KLRG1: variants seen among roughly 807,000 people sequenced by gnomAD.
KLRG1 encodes the protein killer cell lectin like receptor G1.
In KLRG1, 16 loss-of-function variants were observed where a neutral mutation model predicts 21.8. The observed-to-expected ratio is 0.73, with a 90% CI of 0.50 to 1.11. The LOEUF is 1.11. Ranked by LOEUF, KLRG1 falls within the 50% of genes most tolerant of loss-of-function variation. The pLI is 0.00. For missense variants in KLRG1, 173 were observed against 218.3 expected (o/e 0.79, Z 1.31); for synonymous variants, 69 against 75.9 (o/e 0.91, Z 0.47).
the KLRG1 span, among the ~76,000 whole-genome samples, chr12:9,075,734 T>A: frequency 6.6e-6 from 1 of 152,204 alleles, no homozygotes; most frequent in Non-Finnish European, 1.5e-5. Context: ...TAGGGATACA[T>A]ATGCAGCAAA....
chr12:8,969,822 G>A (rs769063249), intron 1 of KLRG1, among the ~76,000 whole-genome samples: 10 of 152,214 alleles, frequency 6.6e-5, no homozygotes, highest in African/African-American at 1.7e-4. Context: ...GCCATGAAAA[G>A]CATACTAAGG....
chr12:8,955,943 TCCAGGCTG>T (rs2137199637), intron 1 of KLRG1, among the ~76,000 whole-genome samples: 1 of 152,194 alleles, frequency 6.6e-6, no homozygotes, highest in East Asian at 1.9e-4. Flanking sequence ...TGGTGCTTTT[TCCAGGCTG>T]CCTATGGACC....
At chr12:9,024,018 A>ATTTTTTT in the KLRG1 span, among the ~76,000 whole-genome samples, 10 of 70,944 alleles carry the variant, frequency 1.4e-4, 2 homozygotes, top group African/African-American at 3.5e-4. Context: ...GAACACATGG[A>ATTTTTTT]TTTTTTTTTT....
At chr12:9,179,388 T>C in the KLRG1 span, among the ~76,000 whole-genome samples, 1 of 152,210 alleles carries the variant, frequency 6.6e-6, no homozygotes, top group African/African-American at 2.4e-5. Flanking sequence ...CAGCATGTAG[T>C]AAGCTTGAAA....
chr12:9,075,728 G>GAT, the KLRG1 span, among the ~76,000 whole-genome samples: 1 of 152,158 alleles, frequency 6.6e-6, no homozygotes, highest in African/African-American at 2.4e-5. Flanking sequence ...ATTAGTTAGG[G>GAT]ATACATATGC....
At chr12:8,993,881 T>C (rs1947052778) in intron 2 of KLRG1, among the ~76,000 whole-genome samples, 2 of 152,286 alleles carry the variant, frequency 1.3e-5, no homozygotes, top group South Asian at 4.2e-4. Flanking sequence ...TATACTCTAT[T>C]CTGCAATTAT....
At chr12:9,179,032 C>T in the KLRG1 span, among the ~76,000 whole-genome samples, 2 of 152,148 alleles carry the variant, frequency 1.3e-5, no homozygotes, top group Non-Finnish European at 1.5e-5. Flanking sequence ...TTGATTGACC[C>T]TTTTAAATGG....
chr12:9,026,911 C>T, the KLRG1 span, among the ~76,000 whole-genome samples: 7 of 151,778 alleles, frequency 4.6e-5, no homozygotes, highest in South Asian at 1.5e-3. Context: ...GCTGGAGTAC[C>T]GTGGTGTAAT....
chr12:9,049,089 A>G, the KLRG1 span, among the ~76,000 whole-genome samples: 7 of 152,234 alleles, frequency 4.6e-5, no homozygotes, highest in African/African-American at 7.2e-5. Context: ...TGATTCTTTT[A>G]GTCTGGACAG....
chr12:9,143,509 G>A, the KLRG1 span, among the ~76,000 whole-genome samples: 3 of 152,218 alleles, frequency 2.0e-5, no homozygotes, highest in Non-Finnish European at 4.4e-5. Flanking sequence ...TTCAGAGGAA[G>A]GAGAAACCTG....
chr12:9,117,880 T>C, the KLRG1 span, among the ~76,000 whole-genome samples: 3 of 152,230 alleles, frequency 2.0e-5, no homozygotes, highest in African/African-American at 4.8e-5. Flanking sequence ...GTTAATGATA[T>C]CTTAAAGACT....
intron 1 of KLRG1, among the ~76,000 whole-genome samples, chr12:8,963,871 C>T (rs1438314432): frequency 1.3e-5 from 2 of 152,124 alleles, no homozygotes; most frequent in South Asian, 2.1e-4. Context: ...TCTGTGGGGT[C>T]AGTGGTGATA....
At chr12:9,174,570 TCAGTCCAAAA>T in the KLRG1 span, among the ~76,000 whole-genome samples, 1 of 152,180 alleles carries the variant, frequency 6.6e-6, no homozygotes, top group Non-Finnish European at 1.5e-5. Context: ...CCCCATTATC[TCAGTCCAAAA>T]GATTCTTAAG....
chr12:9,104,020 C>T, the KLRG1 span, among the ~76,000 whole-genome samples: 1 of 152,218 alleles, frequency 6.6e-6, no homozygotes, highest in African/African-American at 2.4e-5. Context: ...CGCCATTTTA[C>T]GTTCCCAGCA....
the KLRG1 span, among the ~76,000 whole-genome samples, chr12:9,038,078 G>T: frequency 6.6e-6 from 1 of 152,214 alleles, no homozygotes; most frequent in African/African-American, 2.4e-5. Flanking sequence ...GGGCAGCACA[G>T]TGGGAACCCC....
chr12:9,126,861 C>T, the KLRG1 span, among the ~76,000 whole-genome samples: 4 of 152,092 alleles, frequency 2.6e-5, no homozygotes, highest in African/African-American at 4.8e-5. Flanking sequence ...TATATCATCA[C>T]GAGACAATGC....
intron 1 of KLRG1, among the ~76,000 whole-genome samples, chr12:8,967,093 C>A (rs1330458569): frequency 6.8e-6 from 1 of 147,802 alleles, no homozygotes; most frequent in African/African-American, 2.5e-5. Flanking sequence ...GGACAAAAAA[C>A]CAAACACCGC....
chr12:9,112,356 T>G, the KLRG1 span: 1 of 1,609,420 alleles, frequency 6.2e-7, no homozygotes, highest in Non-Finnish European at 8.5e-7. Flanking sequence ...GAAGTTGTCC[T>G]GTCTGTAGGC....
At chr12:9,187,875 T>C in the KLRG1 span, among the ~76,000 whole-genome samples, 1 of 152,148 alleles carries the variant, frequency 6.6e-6, no homozygotes, top group Non-Finnish European at 1.5e-5. Context: ...ATGGAAAAAA[T>C]GGCAGCCAGC....
Sources: allele counts gnomAD v4.1 joint callset (sites outside exome capture counted in the v4.1 genomes callset), GRCh38; gene constraint gnomAD v4.1.1; transcripts MANE v1.5; gene names NCBI Gene and HGNC (gene_info 2026-07-23, HGNC 2026-07-21).